Variants in GDI2 observed in about 807,000 individuals in gnomAD.
GDI2 encodes the protein rab GDP dissociation inhibitor beta.
A neutral mutation model predicts 54.2 loss-of-function variants in GDI2; 22 were observed. That is an observed-to-expected ratio of 0.41 (90% CI 0.29 to 0.58). GDI2 has a LOEUF of 0.58. Ranked by LOEUF, GDI2 falls within the 20% of genes least tolerant of loss-of-function variation. GDI2 has a pLI of 0.35. For missense variants in GDI2, 422 were observed against 546.0 expected, an observed-to-expected ratio of 0.77 and a Z score of 2.26; for synonymous variants, 177 against 182.1, an observed-to-expected ratio of 0.97 and a Z score of 0.23.
chr10:5,779,295 G>C (rs1162303688), intron 6 of GDI2, among the ~76,000 whole-genome samples: 2 of 152,004 alleles, frequency 1.3e-5, no homozygotes, highest in Non-Finnish European at 2.9e-5. Flanking sequence ...CGGATCACAA[G>C]GTCAGGAGAT....
rs186469195 is a variant in GDI2, at chr10:5,804,592, G to A, written c.46-3887C>T. Among the ~76,000 whole-genome samples the A allele has an allele frequency of 4.6e-5, 7 of 152,186 alleles. No homozygotes were observed. In the East Asian group the frequency reaches 1.2e-3, roughly 25 times the overall value. On this transcript the variant is annotated intron_variant, in intron 1 of 10. Coordinates refer to ENST00000380191, the MANE Select transcript of GDI2 (RefSeq NM_001494.4). ...TTCTGCGTCTGACATTATGCAACAC[G>A]TTTTAAGATTCTTTCATGTTTTGTG...
chr10:5,769,253 A>G (rs549186080), intron 7 of GDI2: 1 of 152,138 alleles, frequency 6.6e-6, no homozygotes, highest in Admixed American at 6.5e-5. Context: ...CTCCTAAAAC[A>G]ACAACAAAAA....
At chr10:5,800,543 A>G (rs1378367990) in intron 2 of GDI2, 55 bp downstream of exon 2, 5 of 850,172 alleles carry the variant, frequency 5.9e-6, no homozygotes, top group Admixed American at 3.4e-5. Context: ...GTAGAGATTC[A>G]CAAGTGAAAT....
intron 7 of GDI2, among the ~76,000 whole-genome samples, 183 bp downstream of exon 7, chr10:5,773,656 AACT>A (rs1486911144): frequency 1.3e-5 from 2 of 151,902 alleles, no homozygotes; most frequent in African/African-American, 4.9e-5. Flanking sequence ...AATAATCAAC[AACT>A]GACAACAAAA....
chr10:5,772,282 T>A (rs1432188792), intron 7 of GDI2, among the ~76,000 whole-genome samples: 1 of 152,234 alleles, frequency 6.6e-6, no homozygotes, highest in Admixed American at 6.5e-5. Context: ...TGTGCTGATA[T>A]ACCTGAGAAT....
intron 1 of GDI2, among the ~76,000 whole-genome samples, chr10:5,806,466 A>G (rs1002404374): frequency 2.6e-5 from 4 of 151,950 alleles, no homozygotes; most frequent in East Asian, 1.9e-4. Context: ...GGCACTTATG[A>G]TAAGTGCCTA....
intron 1 of GDI2, among the ~76,000 whole-genome samples, chr10:5,812,376 C>T (rs1268987295): frequency 6.6e-6 from 1 of 152,072 alleles, no homozygotes; most frequent in Admixed American, 6.6e-5. Context: ...TATTATCTTC[C>T]AACTCCCTGA....
intron 1 of GDI2, among the ~76,000 whole-genome samples, chr10:5,805,046 C>T (rs1841346547): frequency 6.6e-6 from 1 of 151,972 alleles, no homozygotes. Flanking sequence ...CTTGGACAGG[C>T]TGGTCTCAAA....
intron 1 of GDI2, among the ~76,000 whole-genome samples, chr10:5,807,929 T>C (rs1212693144): frequency 2.6e-5 from 4 of 152,184 alleles, no homozygotes; most frequent in Non-Finnish European, 5.9e-5. Flanking sequence ...AACAATGGTA[T>C]GCTGAAAAAT....
chr10:5,788,708 T>C (rs564774302), intron 4 of GDI2, among the ~76,000 whole-genome samples: 3 of 152,238 alleles, frequency 2.0e-5, no homozygotes, highest in African/African-American at 7.2e-5. Flanking sequence ...CAGGACAAGC[T>C]TGATGTAGAT....
intron 6 of GDI2, among the ~76,000 whole-genome samples, chr10:5,784,599 C>A (rs954668914): frequency 6.6e-6 from 1 of 152,236 alleles, no homozygotes; most frequent in African/African-American, 2.4e-5. Context: ...TGTTCAGATT[C>A]TTTTGTCCCA....
intron 7 of GDI2, among the ~76,000 whole-genome samples, chr10:5,773,443 T>C (rs936649044): frequency 6.6e-6 from 1 of 152,160 alleles, no homozygotes; most frequent in African/African-American, 2.4e-5. Flanking sequence ...ACCTACTGAT[T>C]AGAACATGCA....
rs555566936 is a variant in GDI2, at chr10:5,813,110, G to A, written c.45+104C>T. On this transcript the variant is annotated intron_variant, in intron 1 of 10. Coordinates refer to ENST00000380191, the MANE Select transcript of GDI2 (RefSeq NM_001494.4). ...TCCCGTCCCGAAAACTACGGCTGAC[G>A]GCAGAACGAGACCCCCGAGGAGCTG... 201 of 671,490 alleles carry A rather than the reference G, an allele frequency of 3.0e-4. 1 individual carries two copies. The highest frequency in any genetic ancestry group is 1.6e-3 in the Middle Eastern group (4 of 2,470). The allele number at this position is 671,490 out of a possible 1,614,324, so 41.6% of individuals were successfully genotyped here.
chr10:5,786,165 ATTTTTTT>A lies in GDI2; in HGVS notation c.389-122_389-116del, dbSNP rs35328258. On this transcript the variant is annotated intron_variant, in intron 4 of 10. Transcript: ENST00000380191. ...TATCAACTGCGGAATGCAGGATGCA[ATTTTTTT>A]TTTTTTTTTTTTTTTTGAGACAGAG... is the stretch of plus-strand genomic sequence containing the variant. The A allele has an allele frequency of 1.9e-4, 74 of 385,978 alleles. No homozygotes were observed. The African/African-American group carries it at 2.0e-3, about 10-fold the overall frequency. The allele number at this position is 385,978 out of a possible 1,614,324, so 23.9% of individuals were successfully genotyped here.
chr10:5,798,812 A>G (rs1403684980), intron 2 of GDI2, among the ~76,000 whole-genome samples: 4 of 151,850 alleles, frequency 2.6e-5, no homozygotes, highest in Non-Finnish European at 4.4e-5. Context: ...CATCTCTACT[A>G]AAAATACAAA....
intron 1 of GDI2, among the ~76,000 whole-genome samples, chr10:5,807,976 T>G (rs930570074): frequency 2.6e-5 from 4 of 152,176 alleles, no homozygotes; most frequent in African/African-American, 9.7e-5. Flanking sequence ...CAGAGCAATT[T>G]AGACTTGGAA....
chr10:5,808,876 T>TA (rs1181603607), intron 1 of GDI2, among the ~76,000 whole-genome samples: 12 of 152,302 alleles, frequency 7.9e-5, no homozygotes, highest in South Asian at 4.1e-4. Flanking sequence ...GCAAGTATCT[T>TA]ACAGCAACAT....
At chr10:5,775,230 G>C (rs1588969163) in intron 6 of GDI2, among the ~76,000 whole-genome samples, 1 of 148,478 alleles carries the variant, frequency 6.7e-6, no homozygotes, top group Non-Finnish European at 1.5e-5. Context: ...CGAGGCTGCA[G>C]TAAGTCGTGA....
At chr10:5,786,395 G>A (rs1338581547) in intron 4 of GDI2, among the ~76,000 whole-genome samples, 1 of 151,870 alleles carries the variant, frequency 6.6e-6, no homozygotes, top group Non-Finnish European at 1.5e-5. Flanking sequence ...TCAAACTCCT[G>A]ACCTCAGGTG....
Sources: allele counts gnomAD v4.1 joint callset (sites outside exome capture counted in the v4.1 genomes callset), GRCh38; gene constraint gnomAD v4.1.1; transcripts MANE v1.5; gene names NCBI Gene and HGNC (gene_info 2026-07-23, HGNC 2026-07-21).